EPB41L2: variants seen among roughly 807,000 people sequenced by gnomAD.
The protein encoded by EPB41L2 is erythrocyte membrane protein band 4.1 like 2, also known as band 4.1-like protein 2.
In EPB41L2, 43 loss-of-function variants were observed where a neutral mutation model predicts 113.0. The observed-to-expected ratio is 0.38, with a 90% confidence interval of 0.30 to 0.49. The LOEUF (loss-of-function observed/expected upper bound fraction) is 0.49, where lower values mean the gene tolerates loss of function less well. EPB41L2 is among the 20% of genes least tolerant of loss of function. The pLI, the probability that EPB41L2 is intolerant of heterozygous loss-of-function variation, is 0.95. For synonymous variants in EPB41L2, 442 were observed against 436.7 expected, an observed-to-expected ratio of 1.01 and a Z score of -0.15; for missense variants, 1,147 against 1,223.4, an observed-to-expected ratio of 0.94 and a Z score of 0.93.
At chr6:130,852,682 C>A (rs1454177374) in intron 19 of EPB41L2, among the ~76,000 whole-genome samples, 1 of 152,156 alleles carries the variant, frequency 6.6e-6, no homozygotes, top group Non-Finnish European at 1.5e-5. Flanking sequence ...ACATCCTTAC[C>A]ATCTCTCAAA....
intron 1 of EPB41L2, chr6:131,015,147 C>T (rs928073701): frequency 5.3e-5 from 8 of 152,112 alleles, no homozygotes; most frequent in African/African-American, 1.7e-4. Context: ...ATAAACAAAA[C>T]AGAATATCAA....
chr6:130,887,469 T>C (rs1018425458), intron 11 of EPB41L2, among the ~76,000 whole-genome samples: 31 of 152,180 alleles, frequency 2.0e-4, no homozygotes, highest in African/African-American at 7.5e-4. Flanking sequence ...AACCCTTCAA[T>C]GGTTTCCTAG....
At chr6:130,857,774 C>G (rs2128422167) in intron 19 of EPB41L2, among the ~76,000 whole-genome samples, 1 of 152,174 alleles carries the variant, frequency 6.6e-6, no homozygotes, top group Admixed American at 6.5e-5. Context: ...TCCCTCTTAT[C>G]TCTCCTACAA....
chr6:130,860,934 T>A (rs1158154828), intron 18 of EPB41L2, among the ~76,000 whole-genome samples: 1 of 152,210 alleles, frequency 6.6e-6, no homozygotes, highest in Non-Finnish European at 1.5e-5. Flanking sequence ...GAAAGTATCA[T>A]GACCAGCACA....
chr6:130,940,506 C>T (rs12664445), intron 3 of EPB41L2, among the ~76,000 whole-genome samples: 46,449 of 149,724 alleles, frequency 0.31, 9,523 homozygotes, highest in African/African-American at 0.57. Flanking sequence ...CACTCTGTCG[C>T]CCAGGCTGCA....
chr6:130,898,691 A>T (rs545572210), intron 8 of EPB41L2, among the ~76,000 whole-genome samples: 3 of 152,226 alleles, frequency 2.0e-5, no homozygotes, highest in Non-Finnish European at 4.4e-5. Context: ...TAGTATACCG[A>T]ACGTTTATGC....
intron 4 of EPB41L2, among the ~76,000 whole-genome samples, chr6:130,916,732 T>C (rs1015034105): frequency 6.6e-6 from 1 of 152,250 alleles, no homozygotes; most frequent in Non-Finnish European, 1.5e-5. Context: ...ATGAATCACC[T>C]GAACATCTAG....
intron 18 of EPB41L2, among the ~76,000 whole-genome samples, chr6:130,861,084 T>A (rs1271079552): frequency 2.0e-5 from 3 of 152,028 alleles, no homozygotes; most frequent in Non-Finnish European, 2.9e-5. Context: ...TTAATTTTTT[T>A]AATTTTGAGA....
At position 130,850,554 on chromosome 6, in the gene EPB41L2, T is replaced by G. The variant is rs1179218978; in HGVS notation, c.*5+7577A>C. On this transcript the variant is annotated intron_variant, in intron 19 of 19. Coordinates refer to ENST00000337057, the MANE Select transcript of EPB41L2 (RefSeq NM_001431.4). ...TCAGCCTATATGGAAAGGGGGGGTGTGTGTATGTGAGTGTCTACATGTGTG... is the reference window on the plus strand; with the variant it reads ...TCAGCCTATATGGAAAGGGGGGGTGGGTGTATGTGAGTGTCTACATGTGTG... Among the ~76,000 whole-genome samples the G allele has an allele frequency of 5.9e-5, 9 of 151,966 alleles. No homozygotes were observed. The East Asian group carries it at 1.5e-3, about 26-fold the overall frequency.
intron 5 of EPB41L2, among the ~76,000 whole-genome samples, chr6:130,906,872 C>T (rs1382541462): frequency 6.6e-6 from 1 of 152,140 alleles, no homozygotes; most frequent in Non-Finnish European, 1.5e-5. Context: ...GGGTACAGTA[C>T]AGGATGCCAT....
At chr6:131,042,428 T>C (rs1584733783) in intron 1 of EPB41L2, among the ~76,000 whole-genome samples, 1 of 152,324 alleles carries the variant, frequency 6.6e-6, no homozygotes, top group East Asian at 1.9e-4. Flanking sequence ...TCCCCATCTC[T>C]TAATGCACTA....
At chr6:130,891,363 C>T (rs1366275128) in intron 10 of EPB41L2, among the ~76,000 whole-genome samples, 1 of 152,076 alleles carries the variant, frequency 6.6e-6, no homozygotes, top group Non-Finnish European at 1.5e-5. Flanking sequence ...CTGTACAACA[C>T]TCAGAATGGT....
At position 130,973,360 on chromosome 6, in the gene EPB41L2, G is replaced by C. The variant is rs974669423; in HGVS notation, c.-14-16861C>G. ...TCATTGGTTCACAAAGGGGCAATTT[G>C]GTGAGTTTTTTAGTAGAGCCAATTT... is the stretch of plus-strand genomic sequence containing the variant. On this transcript the variant is annotated intron_variant, in intron 1 of 19. Coordinates refer to ENST00000337057, the MANE Select transcript of EPB41L2 (RefSeq NM_001431.4). Among the ~76,000 whole-genome samples the C allele has an allele frequency of 6.6e-5, 10 of 151,860 alleles. 1 individual carries two copies. The highest frequency in any genetic ancestry group is 2.4e-4 in the African/African-American group (10 of 41,306).
chr6:131,008,528 C>T (rs944430375), intron 1 of EPB41L2, among the ~76,000 whole-genome samples: 2 of 152,242 alleles, frequency 1.3e-5, no homozygotes, highest in Non-Finnish European at 2.9e-5. Context: ...CATGGTGAAG[C>T]TGTGAGAAGA....
intron 1 of EPB41L2, among the ~76,000 whole-genome samples, chr6:131,038,860 T>C (rs1301668982): frequency 6.6e-6 from 1 of 152,176 alleles, no homozygotes; most frequent in Non-Finnish European, 1.5e-5. Flanking sequence ...ACTGGGAGCA[T>C]AAGGATAAAA....
At chr6:130,876,055 G>C (rs1444974877) in intron 14 of EPB41L2, among the ~76,000 whole-genome samples, 1 of 151,178 alleles carries the variant, frequency 6.6e-6, no homozygotes, top group Non-Finnish European at 1.5e-5. Flanking sequence ...TCCTCCACTA[G>C]ACTCCAAGCT....
At chr6:131,033,233 G>C (rs528511751) in intron 1 of EPB41L2, among the ~76,000 whole-genome samples, 25 of 152,008 alleles carry the variant, frequency 1.6e-4, no homozygotes, top group Admixed American at 9.8e-4. Context: ...AAAGACAGGA[G>C]AGAGAGAAAG....
chr6:130,990,601 G>A (rs1054716440), intron 1 of EPB41L2, among the ~76,000 whole-genome samples: 6 of 152,120 alleles, frequency 3.9e-5, no homozygotes, highest in Admixed American at 1.3e-4. Context: ...GAGATGGTAC[G>A]AAGCAGCAAA....
intron 1 of EPB41L2, among the ~76,000 whole-genome samples, chr6:130,983,484 C>T (rs1381307514): frequency 1.3e-5 from 2 of 151,162 alleles, no homozygotes; most frequent in Middle Eastern, 3.5e-3. Flanking sequence ...CAAATTTTTA[C>T]GGCATGTTAC....
Sources: allele counts gnomAD v4.1 joint callset (sites outside exome capture counted in the v4.1 genomes callset), GRCh38; gene constraint gnomAD v4.1.1; transcripts MANE v1.5; gene names NCBI Gene and HGNC (gene_info 2026-07-23, HGNC 2026-07-21).